The following SUMF1 variants were observed in gnomAD, a reference collection of about 807,000 sequenced individuals.
SUMF1 encodes sulfatase modifying factor 1.
In SUMF1, 48 loss-of-function variants were observed where a neutral mutation model predicts 47.6. The observed-to-expected ratio is 1.01, with a 90% CI of 0.80 to 1.28. The LOEUF is 1.28. Ranked by LOEUF, SUMF1 falls within the 50% of genes most tolerant of loss-of-function variation. The pLI is 0.00. For synonymous variants in SUMF1, 230 were observed against 192.1 expected, an observed-to-expected ratio of 1.20 and a Z score of -1.63; for missense variants, 571 against 485.4, an observed-to-expected ratio of 1.18 and a Z score of -1.66.
chr3:4,092,851 T>C (rs1353994821), intron 8 of SUMF1, among the ~76,000 whole-genome samples: 1 of 151,900 alleles, frequency 6.6e-6, no homozygotes, highest in Non-Finnish European at 1.5e-5. Context: ...AGTGAATATA[T>C]AAGAAGGTAA....
chr3:4,268,160 CTCA>C (rs1365924243), intron 8 of SUMF1, among the ~76,000 whole-genome samples: 2 of 152,098 alleles, frequency 1.3e-5, no homozygotes, highest in East Asian at 3.9e-4. Flanking sequence ...ACCGCATATT[CTCA>C]CTCACAGGTG....
At position 4,156,953 on chromosome 3, in the gene SUMF1, C is replaced by G. The variant is rs1037398371; in HGVS notation, c.1015-88208G>C. Among the ~76,000 whole-genome samples the G allele has an allele frequency of 1.4e-4, 21 of 151,596 alleles. 1 individual carries two copies. Among genetic ancestry groups the G allele is most frequent in the African/African-American group, 4.9e-4 (20 of 40,902 alleles). Reference sequence around the variant, plus strand: ...ATGCAAATGTATGCCATCATTAAAACATTTTCACAGCCTTTCATTTTGTTC... The same window carrying G: ...ATGCAAATGTATGCCATCATTAAAAGATTTTCACAGCCTTTCATTTTGTTC... On this transcript the variant is annotated intron_variant and NMD_transcript_variant, in intron 8 of 12. Coordinates refer to the SUMF1 transcript ENST00000448413.
chr3:4,418,214 T>A, intron 4 of SUMF1, 82 bp from the exon 5 acceptor site: 3 of 1,588,382 alleles, frequency 1.9e-6, no homozygotes, highest in Non-Finnish European at 1.7e-6. Flanking sequence ...GCGCCCATAA[T>A]CCCCCTCAGT....
At chr3:4,450,466 C>A (rs1001268515) in intron 2 of SUMF1, among the ~76,000 whole-genome samples, 1 of 152,162 alleles carries the variant, frequency 6.6e-6, no homozygotes, top group Admixed American at 6.5e-5. Context: ...CCCTAATCTT[C>A]TTCCTGCATT....
chr3:4,178,125 A>G (rs150713194), intron 8 of SUMF1, among the ~76,000 whole-genome samples: 16 of 152,246 alleles, frequency 1.1e-4, no homozygotes, highest in Middle Eastern at 3.4e-3. Context: ...AAGAGGAGTT[A>G]GTACCATTTC....
intron 8 of SUMF1, among the ~76,000 whole-genome samples, chr3:4,159,258 A>G (rs1310803244): frequency 7.9e-6 from 1 of 127,370 alleles, no homozygotes; most frequent in Middle Eastern, 4.1e-3. Context: ...AGTGAAGGTG[A>G]TTTTCTCTGG....
chr3:4,407,898 GGC>G (rs530823777), intron 7 of SUMF1, among the ~76,000 whole-genome samples: 72 of 152,264 alleles, frequency 4.7e-4, no homozygotes, highest in Admixed American at 7.8e-4. Flanking sequence ...ACTTTTGGTT[GGC>G]ACCCTGAAGA....
intron 8 of SUMF1, among the ~76,000 whole-genome samples, chr3:4,076,468 G>A (rs141034908): frequency 0.012 from 1,832 of 152,132 alleles, 24 homozygotes; most frequent in Non-Finnish European, 0.019. Flanking sequence ...CAAAAGCAAT[G>A]GCAACAAAAG....
Position 4,180,555 on chromosome 3 carries a change from C to A in SUMF1, c.1015-111810G>T, listed in dbSNP as rs1018436937. Among the ~76,000 whole-genome samples, 7 of 151,298 alleles carry A rather than the reference C, an allele frequency of 4.6e-5. 1 individual carries two copies. The highest frequency in any genetic ancestry group is 1.7e-4 in the African/African-American group (7 of 41,194). On this transcript the variant is annotated intron_variant and NMD_transcript_variant, in intron 8 of 12. Coordinates refer to the SUMF1 transcript ENST00000448413. ...CCAGGGCCTGTCATGGGGTGGGGGG[C>A]TGGGGGAGGGATAGCATTAGGAGAA...
intron 9 of SUMF1, among the ~76,000 whole-genome samples, chr3:4,039,783 G>A (rs886876043): frequency 6.6e-6 from 1 of 152,118 alleles, no homozygotes; most frequent in African/African-American, 2.4e-5. Flanking sequence ...CACTTTTGGA[G>A]GCTGAGGCAG....
intron 8 of SUMF1, among the ~76,000 whole-genome samples, chr3:4,136,914 A>G: frequency 6.6e-6 from 1 of 152,150 alleles, no homozygotes; most frequent in Non-Finnish European, 1.5e-5. Context: ...AATCAAAACC[A>G]CAATGAGATA....
chr3:4,047,471 G>A (rs1351642245), intron 9 of SUMF1, among the ~76,000 whole-genome samples: 2 of 152,132 alleles, frequency 1.3e-5, no homozygotes, highest in Non-Finnish European at 2.9e-5. Context: ...ACAGTTCCAA[G>A]GAGGCTTTAG....
chr3:4,276,286 A>G (rs141621454), intron 8 of SUMF1, among the ~76,000 whole-genome samples: 88 of 152,334 alleles, frequency 5.8e-4, no homozygotes, highest in African/African-American at 2.1e-3. Flanking sequence ...CACATTATGA[A>G]TATGCATGTT....
intron 8 of SUMF1, among the ~76,000 whole-genome samples, chr3:4,295,081 T>C (rs1180856307): frequency 6.6e-6 from 1 of 152,298 alleles, no homozygotes; most frequent in South Asian, 2.1e-4. Flanking sequence ...CATCAACATT[T>C]TTCCAAGAGA....
intron 7 of SUMF1, among the ~76,000 whole-genome samples, chr3:4,380,004 T>C (rs1363317664): frequency 6.6e-6 from 1 of 152,206 alleles, no homozygotes; most frequent in African/African-American, 2.4e-5. Context: ...ATCAAGTTTA[T>C]GACTGCAGGC....
intron 7 of SUMF1, among the ~76,000 whole-genome samples, chr3:4,410,064 C>G (rs1701493525): frequency 6.6e-6 from 1 of 152,164 alleles, no homozygotes. Context: ...ATTCTTGGAA[C>G]TGACTTATGA....
At chr3:4,257,442 T>C (rs1170549009) in intron 8 of SUMF1, among the ~76,000 whole-genome samples, 1 of 148,654 alleles carries the variant, frequency 6.7e-6, no homozygotes, top group Admixed American at 6.7e-5. Context: ...TGTACAAAAA[T>C]CACAAGCATT....
chr3:4,100,710 G>A (rs1034520033), intron 8 of SUMF1, among the ~76,000 whole-genome samples: 1 of 151,926 alleles, frequency 6.6e-6, no homozygotes, highest in Non-Finnish European at 1.5e-5. Flanking sequence ...ATAGAGTGAA[G>A]AGACAACTCA....
intron 8 of SUMF1, among the ~76,000 whole-genome samples, chr3:4,208,434 CT>C (rs1307924866): frequency 1.4e-5 from 2 of 141,972 alleles, no homozygotes; most frequent in Non-Finnish European, 3.0e-5. Context: ...TCATGTCAAC[CT>C]TTCTACAGAA....
Sources: gnomAD v4.1 joint callset for allele counts (sites outside exome capture counted in the v4.1 genomes callset) on GRCh38, gnomAD v4.1.1 for gene constraint, MANE v1.5 for transcripts, NCBI Gene and HGNC (gene_info 2026-07-23, HGNC 2026-07-21) for gene names.